The following PIP4P2 variants were observed in gnomAD, a reference collection of about 807,000 sequenced individuals.
PIP4P2 encodes type 2 phosphatidylinositol 4,5-bisphosphate 4-phosphatase.
Under a neutral mutation model 33.3 loss-of-function variants are expected in PIP4P2, and 19 were observed. The observed-to-expected ratio is 0.57, with a 90% CI of 0.40 to 0.84. The LOEUF (loss-of-function observed/expected upper bound fraction) is 0.84. PIP4P2 is among the 40% of genes least tolerant of loss of function. PIP4P2 has a pLI of 0.00. For synonymous variants in PIP4P2, 110 were observed against 111.9 expected (o/e 0.98, Z 0.11); for missense variants, 270 against 324.7 (o/e 0.83, Z 1.29).
intron 1 of PIP4P2, among the ~76,000 whole-genome samples, chr8:91,040,394 TCACCACCACCAC>T (rs58332755): frequency 2.0e-5 from 3 of 149,668 alleles, no homozygotes; most frequent in Non-Finnish European, 4.5e-5. Flanking sequence ...ACACACACCA[TCACCACCACCAC>T]CACCACCACC....
intron 1 of PIP4P2, among the ~76,000 whole-genome samples, chr8:91,033,591 T>G (rs1812198996): frequency 6.6e-6 from 1 of 152,080 alleles, no homozygotes; most frequent in Admixed American, 6.6e-5. Flanking sequence ...AAAAGTAAAG[T>G]GTTTTCATGT....
intron 4 of PIP4P2, among the ~76,000 whole-genome samples, chr8:91,009,406 G>A (rs1204834986): frequency 1.3e-5 from 2 of 151,990 alleles, no homozygotes; most frequent in Non-Finnish European, 1.5e-5. Context: ...CTTACTGGTT[G>A]TAGATAGTCT....
At chr8:90,997,976 G>A (rs73694354) in intron 5 of PIP4P2, among the ~76,000 whole-genome samples, 4,952 of 152,064 alleles carry the variant, frequency 0.033, 257 homozygotes, top group African/African-American at 0.11. Context: ...ACAAACATCT[G>A]GATGACCTGG....
At chr8:91,040,499 G>A in intron 1 of PIP4P2, 145 bp downstream of exon 1, 1 of 886,550 alleles carries the variant, frequency 1.1e-6, no homozygotes, top group Non-Finnish European at 1.7e-6. Flanking sequence ...GGGCTTGCCT[G>A]GGAAGGCACA....
intron 3 of PIP4P2, chr8:91,018,779 G>T: frequency 3.1e-6 from 1 of 324,624 alleles, no homozygotes; most frequent in South Asian, 5.1e-5. Flanking sequence ...CCAAGTTTTT[G>T]TAAGTTCAAA....
At chr8:91,022,793 T>G (rs1249920399) in intron 1 of PIP4P2, among the ~76,000 whole-genome samples, 2 of 152,136 alleles carry the variant, frequency 1.3e-5, no homozygotes, top group Non-Finnish European at 2.9e-5. Flanking sequence ...TGCTAAGGAT[T>G]AGCAACAAGT....
At chr8:91,037,864 G>T (rs555962352) in intron 1 of PIP4P2, among the ~76,000 whole-genome samples, 22 of 152,274 alleles carry the variant, frequency 1.4e-4, no homozygotes, top group African/African-American at 5.1e-4. Context: ...ATTAGCAGAT[G>T]TATAAAGGAA....
At chr8:91,001,078 T>C (rs1432752560) in intron 5 of PIP4P2, among the ~76,000 whole-genome samples, 1 of 152,090 alleles carries the variant, frequency 6.6e-6, no homozygotes, top group Non-Finnish European at 1.5e-5. Flanking sequence ...GGTTATTTTT[T>C]GCAAATTTCT....
intron 1 of PIP4P2, among the ~76,000 whole-genome samples, chr8:91,029,638 C>G (rs1444106025): frequency 6.6e-6 from 1 of 152,160 alleles, no homozygotes; most frequent in African/African-American, 2.4e-5. Context: ...GTAGAGCTCC[C>G]TGATGAGACA....
Position 90,997,514 on chromosome 8 carries a change from G to A in PIP4P2, c.540-770C>T, listed in dbSNP as rs140943181. The stretch of plus-strand genomic sequence containing the variant: ...TTGTTTTTAATACATACTGCTAAAA[G>A]CCCTCTACTGTGCTACTCAATTGAA... On this transcript the variant is annotated intron_variant, in intron 5 of 6. Transcript: ENST00000285419. 1.7e-3 allele frequency among the ~76,000 whole-genome samples: 259 copies of A among 152,136 alleles called. 1 individual carries two copies. Among genetic ancestry groups the A allele is most frequent in the African/African-American group, 6.1e-3 (252 of 41,540 alleles).
chr8:91,009,064 T>C (rs1344859963), intron 4 of PIP4P2, among the ~76,000 whole-genome samples: 1 of 152,126 alleles, frequency 6.6e-6, no homozygotes, highest in African/African-American at 2.4e-5. Flanking sequence ...ATACCATAAT[T>C]GGGGTCATCT....
intron 4 of PIP4P2, among the ~76,000 whole-genome samples, chr8:91,012,518 C>T (rs1299293157): frequency 6.6e-6 from 1 of 152,066 alleles, no homozygotes; most frequent in Non-Finnish European, 1.5e-5. Context: ...TAATCCAAAA[C>T]TCTCAAAAGT....
At chr8:91,020,573 CCTAA>C (rs1811994203) in intron 2 of PIP4P2, among the ~76,000 whole-genome samples, 2 of 151,836 alleles carry the variant, frequency 1.3e-5, no homozygotes, top group South Asian at 4.1e-4. Flanking sequence ...ATATATAAAG[CCTAA>C]CTATGAAAGA....
At chr8:91,013,122 C>T (rs1811861885) in intron 4 of PIP4P2, among the ~76,000 whole-genome samples, 1 of 152,152 alleles carries the variant, frequency 6.6e-6, no homozygotes, top group South Asian at 2.1e-4. Flanking sequence ...TGTCTCTTTG[C>T]TATCCATTCC....
At chr8:91,001,957 G>A (rs1436125055) in intron 5 of PIP4P2, among the ~76,000 whole-genome samples, 1 of 152,084 alleles carries the variant, frequency 6.6e-6, no homozygotes, top group East Asian at 1.9e-4. Context: ...GATCGCATAA[G>A]TGATATAAAA....
chr8:91,036,287 G>T (rs1436377866), intron 1 of PIP4P2, among the ~76,000 whole-genome samples: 1 of 152,160 alleles, frequency 6.6e-6, no homozygotes, highest in Non-Finnish European at 1.5e-5. Flanking sequence ...CCAGAAATGG[G>T]ATCTGTAGAT....
chr8:91,003,838 G>A (rs1236085940), intron 5 of PIP4P2, among the ~76,000 whole-genome samples: 1 of 152,096 alleles, frequency 6.6e-6, no homozygotes, highest in African/African-American at 2.4e-5. Flanking sequence ...AGAGTTGTGA[G>A]AAGTAGGAGA....
At chr8:91,025,984 A>T (rs2130374613) in intron 1 of PIP4P2, among the ~76,000 whole-genome samples, 1 of 152,314 alleles carries the variant, frequency 6.6e-6, no homozygotes, top group South Asian at 2.1e-4. Context: ...ACATTCTTGG[A>T]AAAATTCATC....
chr8:91,040,677 C>T lies in PIP4P2; in HGVS notation c.73G>A (p.Ala25Thr). ...CTGCTTTCTTGCAAGTACGGTGGGGCGGTGGGAGTGACATTTCCGGAGTGG... is the reference window on the plus strand; with the variant it reads ...CTGCTTTCTTGCAAGTACGGTGGGGTGGTGGGAGTGACATTTCCGGAGTGG... ...ASHSGNVTPT[A>T]PPYLQESSPR... Residue 25 changes from alanine (A) to threonine (T), a missense_variant, in exon 1 of 7, where the codon GCC becomes ACC. By Grantham distance (58) the Ala-to-Thr change is moderately conservative (BLOSUM62 0). Coordinates refer to ENST00000285419, the MANE Select transcript of PIP4P2 (RefSeq NM_018710.3). 1.9e-6 allele frequency: 3 copies of T among 1,613,552 alleles called. No homozygotes were observed. Among genetic ancestry groups the T allele is most frequent in the Non-Finnish European group, 2.5e-6 (3 of 1,180,022 alleles).
Sources: allele counts gnomAD v4.1 joint callset (sites outside exome capture counted in the v4.1 genomes callset), GRCh38; gene constraint gnomAD v4.1.1; transcripts MANE v1.5; gene names NCBI Gene and HGNC (gene_info 2026-07-23, HGNC 2026-07-21).